FAM81A: variants seen among roughly 807,000 people sequenced by gnomAD.
FAM81A encodes the protein protein FAM81A.
A neutral mutation model predicts 46.7 loss-of-function variants in FAM81A; 19 were observed. The observed-to-expected ratio is 0.41, with a 90% CI of 0.28 to 0.60. FAM81A has a LOEUF of 0.60. Ranked by LOEUF, FAM81A falls within the 20% of genes least tolerant of loss-of-function variation. The pLI, the probability that FAM81A is intolerant of heterozygous loss-of-function variation, is 0.34. For synonymous variants in FAM81A, 183 were observed against 152.9 expected (o/e 1.20, Z -1.45); for missense variants, 377 against 453.5 (o/e 0.83, Z 1.53).
chr15:59,513,520 C>T (rs1213854353), intron 6 of FAM81A, among the ~76,000 whole-genome samples: 1 of 152,192 alleles, frequency 6.6e-6, no homozygotes, highest in African/African-American at 2.4e-5. Flanking sequence ...GATGGTTTAT[C>T]TGTTGTATTC....
chr15:59,492,205 TA>T, intron 3 of FAM81A, 65 bp from the exon 4 acceptor site: 1 of 1,235,270 alleles, frequency 8.1e-7, no homozygotes, highest in Non-Finnish European at 1.2e-6. Context: ...GCCAAAAGTA[TA>T]AAATGCTTTT....
chr15:59,407,285 T>C (rs1403494315), intron 2 of FAM81A: 3 of 145,616 alleles, frequency 2.1e-5, no homozygotes, highest in Admixed American at 7.6e-5. Context: ...TCTTTTCTTT[T>C]CTTTCCTTTT....
At chr15:59,444,157 G>C (rs1354856139) in intron 1 of FAM81A, 1 of 152,208 alleles carries the variant, frequency 6.6e-6, no homozygotes. Context: ...GCTGTGTCTT[G>C]TTCAGCACTG....
At position 59,523,499 on chromosome 15, in the gene FAM81A, T is replaced by A. The variant is rs1196930507; in HGVS notation, c.*2121T>A. The A allele has an allele frequency of 2.0e-5, 3 of 152,248 alleles. No homozygotes were observed. Among genetic ancestry groups the A allele is most frequent in the Non-Finnish European group, 2.9e-5 (2 of 68,034 alleles). The allele number at this position is 152,248 out of a possible 1,614,324, so 9.4% of individuals were successfully genotyped here. The stretch of plus-strand genomic sequence containing the variant: ...AAGCTCAAATGAGAATCAGCTTCCA[T>A]GTTCTTTCCTTTACCAGAAATTTGC... On this transcript the variant is annotated 3_prime_UTR_variant, in exon 9 of 9. Coordinates refer to ENST00000288228, the MANE Select transcript of FAM81A (RefSeq NM_152450.3).
chr15:59,485,585 T>C (rs2081908301), intron 3 of FAM81A, among the ~76,000 whole-genome samples: 1 of 152,236 alleles, frequency 6.6e-6, no homozygotes, highest in Admixed American at 6.5e-5. Flanking sequence ...AATGCAGATA[T>C]GGTTGCAGTG....
At chr15:59,398,594 A>C (rs2081056696) in intron 1 of FAM81A, among the ~76,000 whole-genome samples, 1 of 148,024 alleles carries the variant, frequency 6.8e-6, no homozygotes, top group Non-Finnish European at 1.5e-5. Flanking sequence ...CCCAGTCTCT[A>C]TCAAAAAAAG....
At chr15:59,485,117 T>G (rs2081901774) in intron 3 of FAM81A, among the ~76,000 whole-genome samples, 1 of 152,102 alleles carries the variant, frequency 6.6e-6, no homozygotes, top group African/African-American at 2.4e-5. Flanking sequence ...CCAGGTAGAT[T>G]TCTAAGGTTT....
intron 4 of FAM81A, among the ~76,000 whole-genome samples, chr15:59,497,721 GAA>G (rs1204760971): frequency 6.6e-6 from 1 of 151,978 alleles, no homozygotes; most frequent in Non-Finnish European, 1.5e-5. Context: ...GTATATCTAT[GAA>G]AAAATGAATA....
At chr15:59,510,466 A>C (rs576965748) in intron 6 of FAM81A, among the ~76,000 whole-genome samples, 1 of 152,228 alleles carries the variant, frequency 6.6e-6, no homozygotes, top group South Asian at 2.1e-4. Flanking sequence ...ACAGAACACC[A>C]AATAAATATA....
chr15:59,517,429 G>T (rs570762563), intron 8 of FAM81A, among the ~76,000 whole-genome samples: 13 of 152,334 alleles, frequency 8.5e-5, no homozygotes, highest in Admixed American at 8.5e-4. Flanking sequence ...TGAGGCAGAA[G>T]TACCTTGAAG....
At chr15:59,519,592 T>A in intron 8 of FAM81A, among the ~76,000 whole-genome samples, 1 of 149,892 alleles carries the variant, frequency 6.7e-6, no homozygotes, top group East Asian at 2.0e-4. Context: ...TCCTTTCCCT[T>A]CCCCTCCCCT....
At chr15:59,503,233 C>CAAA (rs769759845) in intron 4 of FAM81A, among the ~76,000 whole-genome samples, 23 of 35,272 alleles carry the variant, frequency 6.5e-4, no homozygotes, top group South Asian at 1.0e-3. Flanking sequence ...GAGACTGTCT[C>CAAA]AAAAAAAAAA....
At chr15:59,459,658 A>G (rs2081526636) in intron 2 of FAM81A, among the ~76,000 whole-genome samples, 1 of 152,042 alleles carries the variant, frequency 6.6e-6, no homozygotes, top group Non-Finnish European at 1.5e-5. Context: ...CATAGATTAT[A>G]TTGGGGAGAC....
chr15:59,448,666 T>C (rs1255080091), intron 1 of FAM81A, among the ~76,000 whole-genome samples: 1 of 152,114 alleles, frequency 6.6e-6, no homozygotes, highest in Admixed American at 6.5e-5. Context: ...TTATTTTTTG[T>C]TTTTTAGTTT....
intron 2 of FAM81A, among the ~76,000 whole-genome samples, chr15:59,425,135 T>C (rs1274551520): frequency 6.6e-6 from 1 of 152,178 alleles, no homozygotes; most frequent in African/African-American, 2.4e-5. Context: ...TCCTCCTGCC[T>C]CAACCTCCCA....
At chr15:59,480,424 A>G (rs1055140129) in intron 3 of FAM81A, among the ~76,000 whole-genome samples, 1 of 152,154 alleles carries the variant, frequency 6.6e-6, no homozygotes, top group East Asian at 1.9e-4. Context: ...CATAAACTGC[A>G]TTATACAGCA....
intron 7 of FAM81A, among the ~76,000 whole-genome samples, chr15:59,515,166 C>T (rs2082253738): frequency 6.6e-6 from 1 of 152,128 alleles, no homozygotes; most frequent in Admixed American, 6.5e-5. Context: ...CCACCTTGAG[C>T]CCAGGAAGGT....
chr15:59,473,805 A>G (rs2081729946), intron 3 of FAM81A, among the ~76,000 whole-genome samples: 1 of 152,188 alleles, frequency 6.6e-6, no homozygotes, highest in African/African-American at 2.4e-5. Flanking sequence ...CCTATTTGGT[A>G]GCTGCCACGT....
intron 2 of FAM81A, among the ~76,000 whole-genome samples, chr15:59,412,050 T>G (rs183131150): frequency 1.4e-4 from 19 of 136,952 alleles, no homozygotes; most frequent in Non-Finnish European, 1.6e-4. Context: ...AGGGGGAGAA[T>G]GGGATAGAGT....
Sources: allele counts gnomAD v4.1 joint callset (sites outside exome capture counted in the v4.1 genomes callset), GRCh38; gene constraint gnomAD v4.1.1; transcripts MANE v1.5; gene names NCBI Gene and HGNC (gene_info 2026-07-23, HGNC 2026-07-21).